PHC3: variants seen among roughly 807,000 people sequenced by gnomAD.
PHC3 encodes the protein polyhomeotic-like protein 3.
PHC3 carries 13 observed loss-of-function variants against 107.4 expected under a neutral mutation model. The observed-to-expected ratio is 0.12, with a 90% CI of 0.08 to 0.19. The LOEUF (loss-of-function observed/expected upper bound fraction) is 0.19. PHC3 is among the 10% of genes least tolerant of loss of function. The pLI is 1.00. For missense variants in PHC3, 992 were observed against 1,210.9 expected (o/e 0.82, Z 2.68); for synonymous variants, 456 against 427.4 (o/e 1.07, Z -0.83).
At chr3:170,146,756 C>T (rs1456288567) in intron 5 of PHC3, among the ~76,000 whole-genome samples, 2 of 151,772 alleles carry the variant, frequency 1.3e-5, no homozygotes, top group Non-Finnish European at 2.9e-5. Context: ...TGGTCTCGAA[C>T]TCCTGACCTC....
chr3:170,161,685 G>A (rs376686201), intron 4 of PHC3, among the ~76,000 whole-genome samples: 5 of 152,288 alleles, frequency 3.3e-5, no homozygotes, highest in East Asian at 3.9e-4. Flanking sequence ...TTAAACAACA[G>A]AAATTTATTT....
chr3:170,111,394 G>GAGGAAGGAAGGAAGGAAGGA (rs750463123), intron 11 of PHC3, among the ~76,000 whole-genome samples: 8 of 142,006 alleles, frequency 5.6e-5, no homozygotes, highest in East Asian at 4.3e-4. Context: ...GAGAAAGAAA[G>GAGGAAGGAAGGAAGGAAGGA]AGGAAGGAAG....
intron 11 of PHC3, 123 bp downstream of exon 11, chr3:170,113,237 T>C: frequency 2.3e-6 from 2 of 881,218 alleles, no homozygotes; most frequent in Non-Finnish European, 3.2e-6. Flanking sequence ...AAATGGTGCA[T>C]TATATGAAAA....
rs1714612584 is a variant in PHC3 at position 170,096,131 on chromosome 3, C to T, written c.*1099G>A. 1 of 152,052 alleles carries T rather than the reference C, an allele frequency of 6.6e-6. No homozygotes were observed. Among genetic ancestry groups the T allele is most frequent in the Non-Finnish European group, 1.5e-5 (1 of 68,020 alleles). 9.4% of individuals were successfully genotyped at this position (152,052 alleles called of 1,614,324 possible). A position where few individuals can be genotyped will look rare whatever the true frequency, so the allele number is the denominator to read the frequency against. Reference sequence around the variant, plus strand: ...GAAAGATAATCAGAATGAATTAGTACTTTCTGAGAGTTAAATTATTTGCAT... The same window carrying T: ...GAAAGATAATCAGAATGAATTAGTATTTTCTGAGAGTTAAATTATTTGCAT... On this transcript the variant is annotated 3_prime_UTR_variant, in exon 15 of 15. Transcript: ENST00000495893.
At chr3:170,159,274 A>AAT (rs1560112237) in intron 4 of PHC3, among the ~76,000 whole-genome samples, 1 of 149,664 alleles carries the variant, frequency 6.7e-6, no homozygotes, top group African/African-American at 2.5e-5. Context: ...AAAAAAAAAA[A>AAT]TCTGATAAAT....
intron 5 of PHC3, chr3:170,147,211 T>C (rs1725124235): frequency 6.6e-6 from 1 of 152,220 alleles, no homozygotes; most frequent in Non-Finnish European, 1.5e-5. Flanking sequence ...CACTCAGAGA[T>C]TAACCAATTC....
At position 170,096,468 on chromosome 3, in the gene PHC3, G is replaced by C. The variant is rs919620132; in HGVS notation, c.*762C>G. The C allele has an allele frequency of 6.6e-6, 1 of 152,106 alleles. No homozygotes were observed. Among genetic ancestry groups the C allele is most frequent in the African/African-American group, 2.4e-5 (1 of 41,414 alleles). 9.4% of individuals were successfully genotyped at this position (152,106 alleles called of 1,614,324 possible). ...TCTGGCTTCTAACTACTAGACACCA[G>C]TAGCAACCCTCCCCTGAACCCACCC... On this transcript the variant is annotated 3_prime_UTR_variant, in exon 15 of 15. Coordinates refer to ENST00000495893, the MANE Select transcript of PHC3 (RefSeq NM_024947.4).
chr3:170,097,255 C>T lies in PHC3; in HGVS notation c.2963G>A (p.Arg988His), dbSNP rs1208840224. Residue 988 changes from arginine (R) to histidine (H), a missense_variant, in exon 15 of 15, where the codon CGC becomes CAC. This residue lies in a region of PHC3 where 21 missense variants were observed against 52.5 expected (regional missense o/e 0.40). Transcript: ENST00000495893. This position sits in a 1 kb window ranked among gnomAD's most constrained non-coding sequence, Gnocchi z 4.1. ...KLGPALKICA[R>H]INSLKES ...TTAAGATTCCTTCAGAGAGTTGATG[C>T]GTGCACAGATCTTCAGGGCTGGGCC... 5.0e-6 allele frequency: 8 copies of T among 1,611,468 alleles called. No homozygotes were observed. The highest frequency in any genetic ancestry group is 2.2e-5 in the South Asian group (2 of 90,814).
chr3:170,142,691 T>C lies in PHC3; in HGVS notation c.672+2732A>G, dbSNP rs149984581. On this transcript the variant is annotated intron_variant, in intron 6 of 14. Transcript: ENST00000495893. ...GCTCCATGCCACTTTCCTAGTTTTA[T>C]TTGTGTCTTTTTTCTTACATGGTTC... 2.0e-5 allele frequency among the ~76,000 whole-genome samples: 3 copies of C among 152,336 alleles called. No homozygotes were observed. In the East Asian group the frequency reaches 5.8e-4, roughly 29 times the overall value.
intron 4 of PHC3, among the ~76,000 whole-genome samples, chr3:170,158,600 C>T (rs1192278378): frequency 1.3e-5 from 2 of 151,034 alleles, no homozygotes; most frequent in East Asian, 3.9e-4. Context: ...GAGACTCCAT[C>T]TCAAAAAAGA....
At chr3:170,151,179 C>G (rs1037548603) in intron 4 of PHC3, among the ~76,000 whole-genome samples, 1 of 152,100 alleles carries the variant, frequency 6.6e-6, no homozygotes, top group Non-Finnish European at 1.5e-5. Flanking sequence ...CCACTACACT[C>G]CAGCCTGGGC....
At position 170,097,146 on chromosome 3, in the gene PHC3, T is replaced by C; in HGVS notation, c.*84A>G. On this transcript the variant is annotated 3_prime_UTR_variant, in exon 15 of 15. Transcript: ENST00000495893. The surrounding 1 kb of genome is among the most constrained non-coding windows in gnomAD (Gnocchi z 4.1). ...TGGCTATCCACCACAATAAGTGTCA[T>C]ATTCTAGACCAAGTTAGGCCTTTAC... 7.3e-7 allele frequency: 1 copy of C among 1,375,022 alleles called. No homozygotes were observed. The highest frequency in any genetic ancestry group is 9.7e-7 in the Non-Finnish European group (1 of 1,026,184). The allele number at this position is 1,375,022 out of a possible 1,614,324, so 85.2% of individuals were successfully genotyped here. A position where few individuals can be genotyped will look rare whatever the true frequency, so the allele number is the denominator to read the frequency against.
chr3:170,104,962 C>G (rs1716195372), intron 12 of PHC3, among the ~76,000 whole-genome samples: 1 of 152,158 alleles, frequency 6.6e-6, no homozygotes, highest in Non-Finnish European at 1.5e-5. Context: ...ATTTAGCTTT[C>G]CAAGACAGCT....
chr3:170,171,275 C>G (rs572910376), intron 4 of PHC3, 98 bp downstream of exon 4: 6 of 884,402 alleles, frequency 6.8e-6, no homozygotes, highest in Admixed American at 6.0e-5. Flanking sequence ...CAGCATGCAA[C>G]AAATTATAAT....
intron 7 of PHC3, among the ~76,000 whole-genome samples, chr3:170,135,422 A>G (rs1015487402): frequency 6.6e-6 from 1 of 151,064 alleles, no homozygotes; most frequent in Non-Finnish European, 1.5e-5. Context: ...AAGTGCTGGG[A>G]TTACAGGCGT....
At chr3:170,130,819 C>T (rs1278999057) in intron 7 of PHC3, among the ~76,000 whole-genome samples, 20 of 152,056 alleles carry the variant, frequency 1.3e-4, no homozygotes, top group Non-Finnish European at 1.5e-5. Flanking sequence ...AGAATGGAAA[C>T]TGAGTTCACA....
At chr3:170,142,982 T>A (rs1190935948) in intron 6 of PHC3, among the ~76,000 whole-genome samples, 4 of 152,062 alleles carry the variant, frequency 2.6e-5, no homozygotes, top group Non-Finnish European at 4.4e-5. Flanking sequence ...AGGACCAGCC[T>A]GTGCAACATG....
At chr3:170,103,382 G>A (rs1466873321) in intron 12 of PHC3, among the ~76,000 whole-genome samples, 1 of 152,022 alleles carries the variant, frequency 6.6e-6, no homozygotes, top group African/African-American at 2.4e-5. Flanking sequence ...ACTAGGGAGA[G>A]GATCTCAAGC....
intron 2 of PHC3, among the ~76,000 whole-genome samples, chr3:170,175,426 C>T (rs116345234): frequency 5.1e-4 from 78 of 151,540 alleles, no homozygotes; most frequent in African/African-American, 1.8e-3. Flanking sequence ...GAGCTTAAAG[C>T]CAGAAGGTCA....
Sources: gnomAD v4.1 joint callset for allele counts (sites outside exome capture counted in the v4.1 genomes callset) on GRCh38, gnomAD v4.1.1 for gene constraint, gnomAD v4.1.1 regional missense constraint, Gnocchi (gnomAD v3.1) non-coding constraint, MANE v1.5 for transcripts, NCBI Gene and HGNC (gene_info 2026-07-23, HGNC 2026-07-21) for gene names.